Variants in VTI1A observed in about 807,000 individuals in gnomAD.
VTI1A encodes the protein vesicle transport through interaction with t-SNAREs homolog 1A.
VTI1A carries 22 observed loss-of-function variants against 34.9 expected under a neutral mutation model. That is an observed-to-expected ratio of 0.63 (90% CI 0.45 to 0.90). VTI1A has a LOEUF of 0.90. VTI1A is among the 40% of genes least tolerant of loss of function. The probability of loss-of-function intolerance (pLI) is 0.00; values close to 1 mark genes in which losing one functional copy is unlikely to be tolerated. For synonymous variants in VTI1A, 87 were observed against 97.3 expected, an observed-to-expected ratio of 0.89 and a Z score of 0.62; for missense variants, 268 against 275.6, an observed-to-expected ratio of 0.97 and a Z score of 0.20.
chr10:112,640,512 G>C (rs2134664887), intron 5 of VTI1A, among the ~76,000 whole-genome samples: 1 of 151,612 alleles, frequency 6.6e-6, no homozygotes, highest in Admixed American at 6.6e-5. Context: ...CTGGAGGTGG[G>C]TAAGGAGGAT....
rs143844379 is a variant in VTI1A, at chr10:112,780,273, AAAATAAATAAATAAATAAATAAAT to A, written c.561-34989_561-34966del. ...GAGACAGAGCAAGACCCTGTCTCTAAAAATAAATAAATAAATAAATAAATAAATAAATAAATAAATAAATAAATA... is the reference window on the plus strand; with the variant it reads ...GAGACAGAGCAAGACCCTGTCTCTAAAAATAAATAAATAAATAAATAAATA... On this transcript the variant is annotated intron_variant, in intron 7 of 7. Transcript: ENST00000393077. 9.3e-3 allele frequency among the ~76,000 whole-genome samples: 1,289 copies of A among 138,272 alleles called. 22 individuals are homozygous for A. The highest frequency in any genetic ancestry group is 0.032 in the African/African-American group (1,156 of 36,582). The allele number at this position is 138,272 out of a possible 152,430, so 90.7% of individuals were successfully genotyped here.
At chr10:112,570,596 A>G (rs1037152702) in intron 5 of VTI1A, among the ~76,000 whole-genome samples, 1 of 152,258 alleles carries the variant, frequency 6.6e-6, no homozygotes, top group Non-Finnish European at 1.5e-5. Flanking sequence ...AGGAAAATAT[A>G]ATATTTAAAT....
At chr10:112,575,763 CTT>C (rs1005595244) in intron 5 of VTI1A, among the ~76,000 whole-genome samples, 12 of 152,102 alleles carry the variant, frequency 7.9e-5, no homozygotes, top group African/African-American at 2.7e-4. Context: ...ATTTCATTGT[CTT>C]TTTAATTTTC....
intron 3 of VTI1A, among the ~76,000 whole-genome samples, chr10:112,491,906 C>T (rs1313282803): frequency 6.6e-6 from 1 of 152,156 alleles, no homozygotes; most frequent in Non-Finnish European, 1.5e-5. Flanking sequence ...TTCCCTCAGC[C>T]AGTGGTTCTC....
chr10:112,731,088 GT>G (rs1850240689), intron 7 of VTI1A, among the ~76,000 whole-genome samples: 1 of 152,108 alleles, frequency 6.6e-6, no homozygotes, highest in Non-Finnish European at 1.5e-5. Flanking sequence ...TGTAATGACT[GT>G]TTATATCAAG....
At chr10:112,802,724 T>C (rs555657363) in intron 7 of VTI1A, among the ~76,000 whole-genome samples, 25 of 152,336 alleles carry the variant, frequency 1.6e-4, no homozygotes, top group Non-Finnish European at 3.4e-4. Context: ...TGGACCTTTT[T>C]GTTTTTTTTA....
intron 5 of VTI1A, among the ~76,000 whole-genome samples, chr10:112,650,461 A>AT (rs34487277): frequency 0.91 from 138,186 of 151,238 alleles, 64,404 homozygotes; most frequent in East Asian, 1. Flanking sequence ...TACTCTTCAC[A>AT]TTTTTTTTTA....
At chr10:112,703,605 A>G (rs957480117) in intron 7 of VTI1A, among the ~76,000 whole-genome samples, 1 of 152,210 alleles carries the variant, frequency 6.6e-6, no homozygotes, top group Non-Finnish European at 1.5e-5. Flanking sequence ...ATGATGCATT[A>G]TATATAATTA....
intron 1 of VTI1A, among the ~76,000 whole-genome samples, chr10:112,447,677 C>G (rs941204568): frequency 1.3e-5 from 2 of 152,076 alleles, no homozygotes; most frequent in African/African-American, 4.8e-5. Flanking sequence ...GGAATCTGAG[C>G]CATCTGAGTT....
chr10:112,657,768 A>C (rs1847283963), intron 5 of VTI1A, among the ~76,000 whole-genome samples: 1 of 152,076 alleles, frequency 6.6e-6, no homozygotes, highest in African/African-American at 2.4e-5. Context: ...GACTTTATGA[A>C]AGTTAAAAAC....
intron 5 of VTI1A, among the ~76,000 whole-genome samples, chr10:112,630,680 TAATGGAGAG>T (rs1256851402): frequency 6.6e-6 from 1 of 152,228 alleles, no homozygotes; most frequent in East Asian, 1.9e-4. Context: ...CTTGTAGAGC[TAATGGAGAG>T]AAAACCACTA....
At chr10:112,448,236 C>T (rs1589772572) in intron 1 of VTI1A, 2 of 152,292 alleles carry the variant, frequency 1.3e-5, no homozygotes, top group East Asian at 3.9e-4. Flanking sequence ...CCCCCACCCC[C>T]ATTTCTTGTT....
At chr10:112,602,591 A>G (rs748357427) in intron 5 of VTI1A, among the ~76,000 whole-genome samples, 6 of 152,228 alleles carry the variant, frequency 3.9e-5, no homozygotes, top group Non-Finnish European at 8.8e-5. Context: ...GCCACAATTG[A>G]TTATGTTTTT....
chr10:112,589,832 G>C (rs139232360), intron 5 of VTI1A, among the ~76,000 whole-genome samples: 93 of 152,200 alleles, frequency 6.1e-4, no homozygotes, highest in African/African-American at 2.2e-3. Context: ...TCTTGATGAG[G>C]AAATTATTAC....
chr10:112,548,211 C>T (rs931940099), intron 5 of VTI1A, among the ~76,000 whole-genome samples: 3 of 152,132 alleles, frequency 2.0e-5, no homozygotes, highest in African/African-American at 2.4e-5. Flanking sequence ...TTTCAACTCA[C>T]CTTATTATTT....
At chr10:112,561,551 T>C (rs1352801141) in intron 5 of VTI1A, among the ~76,000 whole-genome samples, 1 of 152,190 alleles carries the variant, frequency 6.6e-6, no homozygotes, top group Non-Finnish European at 1.5e-5. Context: ...TAACAAATAC[T>C]TAAATTCATC....
At chr10:112,829,476 C>T in the VTI1A span, among the ~76,000 whole-genome samples, 3 of 145,462 alleles carry the variant, frequency 2.1e-5, no homozygotes, top group African/African-American at 5.2e-5. Context: ...ATTGGCTGGG[C>T]ACGGTGGCTC....
At chr10:112,528,251 C>T (rs1432422709) in intron 4 of VTI1A, among the ~76,000 whole-genome samples, 1 of 151,960 alleles carries the variant, frequency 6.6e-6, no homozygotes, top group Non-Finnish European at 1.5e-5. Flanking sequence ...ATTATAGGTC[C>T]ATATATGCTA....
chr10:112,610,014 A>AG (rs1301391371), intron 5 of VTI1A, among the ~76,000 whole-genome samples: 1 of 152,124 alleles, frequency 6.6e-6, no homozygotes, highest in African/African-American at 2.4e-5. Flanking sequence ...CAATATTTGC[A>AG]GAAAAAAAAA....
Sources: allele counts gnomAD v4.1 joint callset (sites outside exome capture counted in the v4.1 genomes callset), GRCh38; gene constraint gnomAD v4.1.1; transcripts MANE v1.5; gene names NCBI Gene and HGNC (gene_info 2026-07-23, HGNC 2026-07-21).